Variants in PARP15 observed in about 807,000 individuals in gnomAD.
PARP15 encodes the protein poly(ADP-ribose) polymerase family member 15.
PARP15 carries 50 observed loss-of-function variants against 62.1 expected under a neutral mutation model. The ratio of observed to expected loss-of-function variants is 0.81; its 90% CI spans 0.64 to 1.02. The LOEUF is 1.02. Among genes scored for constraint, PARP15 ranks in the 50% least tolerant of loss-of-function variants. The probability of loss-of-function intolerance (pLI) is 0.00; values close to 1 mark genes in which losing one functional copy is unlikely to be tolerated. For missense variants in PARP15, 820 were observed against 826.5 expected, an observed-to-expected ratio of 0.99 and a Z score of 0.10; for synonymous variants, 309 against 293.1, an observed-to-expected ratio of 1.05 and a Z score of -0.55.
intron 1 of PARP15, among the ~76,000 whole-genome samples, chr3:122,578,341 G>A (rs1238395959): frequency 6.6e-6 from 1 of 152,090 alleles, no homozygotes; most frequent in Non-Finnish European, 1.5e-5. Flanking sequence ...GTTCACTCAT[G>A]CTTGCTTCTA....
intron 6 of PARP15, among the ~76,000 whole-genome samples, chr3:122,618,829 C>T (rs913323335): frequency 1.3e-5 from 2 of 152,270 alleles, no homozygotes; most frequent in South Asian, 4.1e-4. Context: ...GAGGTGCTGC[C>T]TGCTCGCCTT....
At position 122,604,609 on chromosome 3, in the gene PARP15, C is replaced by T. The variant is rs186449026; in HGVS notation, c.187-1327C>T. 2.6e-5 allele frequency among the ~76,000 whole-genome samples: 4 copies of T among 151,814 alleles called. No individual in the cohort carries two copies. In the East Asian group the frequency reaches 7.8e-4, roughly 29 times the overall value. ...GTGGCTCGCACCTGTAATCCCAGCA[C>T]TTTGGGAGGCTGAGGCGGGCAGATC... On this transcript the variant is annotated intron_variant, in intron 1 of 11. Coordinates refer to ENST00000464300, the MANE Select transcript of PARP15 (RefSeq NM_001113523.3).
At chr3:122,586,952 A>C (rs1422716922) in intron 1 of PARP15, among the ~76,000 whole-genome samples, 1 of 152,202 alleles carries the variant, frequency 6.6e-6, no homozygotes, top group African/African-American at 2.4e-5. Flanking sequence ...GTGCTCTGCT[A>C]TTCATCCTCC....
chr3:122,596,087 G>A (rs1034117333), intron 1 of PARP15, among the ~76,000 whole-genome samples: 23 of 151,906 alleles, frequency 1.5e-4, no homozygotes, highest in Non-Finnish European at 2.5e-4. Context: ...GGCTGGGTGC[G>A]GTGGCTCACT....
rs999861956 is a variant in PARP15, at chr3:122,577,805, G to A, written c.138G>A (p.Gly46=). 3 of 1,550,818 alleles carry A rather than the reference G, an allele frequency of 1.9e-6. No homozygotes were observed. Among genetic ancestry groups the A allele is most frequent in the African/African-American group, 1.4e-5 (1 of 72,966 alleles). The part of the protein sequence containing the change: ...DREAGSVLPA[G]NRGARKASRR... Reference sequence around the variant, plus strand: ...AGGCGGGGAGCGTGCTGCCGGCCGGGAACCGTGGGGCGCGGAAGGCCTCCC... The same window carrying A: ...AGGCGGGGAGCGTGCTGCCGGCCGGAAACCGTGGGGCGCGGAAGGCCTCCC... Residue 46 remains glycine (G), a synonymous_variant, in exon 1 of 12, where the codon GGG becomes GGA. Coordinates refer to ENST00000464300, the MANE Select transcript of PARP15 (RefSeq NM_001113523.3).
In PARP15 at chr3:122,605,041, AAAAG is replaced by A. The variant is rs377321079; in HGVS notation, c.187-874_187-871del. On this transcript the variant is annotated intron_variant, in intron 1 of 11. Transcript: ENST00000464300. Reference sequence around the variant, plus strand: ...ACAGAGCAACACTCCATCTCAGAAAAAAAGAAAGAAAGAAAGAAAGAAAGTAAAG... The same window carrying A: ...ACAGAGCAACACTCCATCTCAGAAAAAAAGAAAGAAAGAAAGAAAGTAAAG... 4.0e-4 allele frequency among the ~76,000 whole-genome samples: 61 copies of A among 152,072 alleles called. 1 individual carries two copies. The highest frequency in any genetic ancestry group is 2.3e-3 in the South Asian group (11 of 4,816).
At chr3:122,615,080 A>G (rs1000990457) in intron 4 of PARP15, 9 of 983,892 alleles carry the variant, frequency 9.1e-6, no homozygotes, top group Non-Finnish European at 8.4e-6. Context: ...GAAAGAGAAA[A>G]AGAAAAAGTA....
rs1434960398 is a variant in PARP15, at chr3:122,634,877, A to G, written c.1573-143A>G. ...TGCCTACTCTCTGAATTTGCTGTCTATTTGTATTTTCTTCTCCTTTTCCTT... is the reference window on the plus strand; with the variant it reads ...TGCCTACTCTCTGAATTTGCTGTCTGTTTGTATTTTCTTCTCCTTTTCCTT... On this transcript the variant is annotated intron_variant, in intron 10 of 11. Transcript: ENST00000464300. 8.9e-6 allele frequency: 7 copies of G among 789,264 alleles called. No individual in the cohort carries two copies. In the East Asian group the frequency reaches 1.6e-4, roughly 18 times the overall value. 48.9% of individuals were successfully genotyped at this position (789,264 alleles called of 1,614,324 possible).
intron 9 of PARP15, among the ~76,000 whole-genome samples, chr3:122,628,633 C>G (rs2107594976): frequency 6.6e-6 from 1 of 152,218 alleles, no homozygotes; most frequent in Middle Eastern, 3.4e-3. Context: ...AAAAACAAAA[C>G]AGTGTAGTTG....
rs1935695801 is a variant in PARP15 at position 122,613,177 on chromosome 3, T to G, written c.680T>G (p.Val227Gly). ...AVFAKLILSE[V>G]FEYSSSTRPI... ...TTTGCTAAACTAATCCTTTCAGAAG[T>G]GTTCGAATACAGTAGCAGCACAAGG... The change falls in exon 4 of 12, where the codon GTG becomes GGG. Residue 227 changes from valine (V) to glycine (G), a missense_variant. Val to Gly is a moderately radical substitution (Grantham distance 109, BLOSUM62 -3). Around this residue, in one of 3 missense-constraint regions of PARP15, gnomAD observed 731 missense variants for 727.7 expected, o/e 1.00. Coordinates refer to ENST00000464300, the MANE Select transcript of PARP15 (RefSeq NM_001113523.3). 3 of 1,551,762 alleles carry G rather than the reference T, an allele frequency of 1.9e-6. No individual in the cohort carries two copies. Among genetic ancestry groups the G allele is most frequent in the Non-Finnish European group, 2.6e-6 (3 of 1,146,956 alleles).
At chr3:122,623,903 C>T (rs6788800) in intron 8 of PARP15, among the ~76,000 whole-genome samples, 4 of 151,918 alleles carry the variant, frequency 2.6e-5, no homozygotes, top group Admixed American at 1.3e-4. Flanking sequence ...TAGCACTTTG[C>T]GGGGCTGAGG....
chr3:122,605,904 T>C, intron 1 of PARP15, 32 bp from the exon 2 acceptor site: 1 of 1,546,130 alleles, frequency 6.5e-7, no homozygotes, highest in Non-Finnish European at 8.7e-7. Flanking sequence ...GAAATTGGCA[T>C]TGCTGGTAAT....
chr3:122,606,253 C>T (rs115598187), intron 2 of PARP15, among the ~76,000 whole-genome samples, 198 bp downstream of exon 2: 2,469 of 152,284 alleles, frequency 0.016, 30 homozygotes, highest in Non-Finnish European at 0.025. Flanking sequence ...CACATGTACT[C>T]ATGTGGAGGG....
intron 1 of PARP15, among the ~76,000 whole-genome samples, chr3:122,580,952 T>C (rs1174454398): frequency 6.6e-6 from 1 of 152,206 alleles, no homozygotes; most frequent in African/African-American, 2.4e-5. Flanking sequence ...TTTAGATATG[T>C]TTAATACACA....
At chr3:122,623,074 G>GATAACTTTTTGTT (rs1176681085) in intron 8 of PARP15, among the ~76,000 whole-genome samples, 2 of 152,150 alleles carry the variant, frequency 1.3e-5, no homozygotes, top group Admixed American at 1.3e-4. Context: ...TCCACACACC[G>GATAACTTTTTGTT]ATAACCTTTT....
rs7610705 is a variant in PARP15 at position 122,605,763 on chromosome 3, G to A, written c.187-173G>A. Among the ~76,000 whole-genome samples, 8,820 of 151,720 alleles carry A rather than the reference G, an allele frequency of 0.058. 642 individuals carry two copies. The highest frequency in any genetic ancestry group is 0.17 in the African/African-American group (6,923 of 41,294). On this transcript the variant is annotated intron_variant, in intron 1 of 11. Coordinates refer to ENST00000464300, the MANE Select transcript of PARP15 (RefSeq NM_001113523.3). ...TAATTTTTTATTTATTTATTTTTTC[G>A]TAGAGACAGGGTCTCAATATGTTGC...
intron 10 of PARP15, among the ~76,000 whole-genome samples, chr3:122,632,984 T>C (rs536506933): frequency 6.6e-6 from 1 of 152,318 alleles, no homozygotes; most frequent in South Asian, 2.1e-4. Context: ...CTATAGGGGT[T>C]TATCACGAGG....
chr3:122,598,396 G>T (rs1934521462), intron 1 of PARP15, among the ~76,000 whole-genome samples: 1 of 152,114 alleles, frequency 6.6e-6, no homozygotes, highest in South Asian at 2.1e-4. Flanking sequence ...GTTGGTTGGG[G>T]CTGCAGTCAT....
chr3:122,626,613 T>G (rs971449000), intron 8 of PARP15, among the ~76,000 whole-genome samples: 1 of 152,226 alleles, frequency 6.6e-6, no homozygotes, highest in African/African-American at 2.4e-5. Context: ...GTCTTGTTTT[T>G]GTGTTAATTC....
Sources: allele counts gnomAD v4.1 joint callset (sites outside exome capture counted in the v4.1 genomes callset), GRCh38; gene constraint gnomAD v4.1.1; regional missense constraint gnomAD v4.1.1; transcripts MANE v1.5; gene names NCBI Gene and HGNC (gene_info 2026-07-23, HGNC 2026-07-21).